The following TPTE2 variants were observed in gnomAD, a reference collection of about 807,000 sequenced individuals.
The protein encoded by TPTE2 is transmembrane phosphoinositide 3-phosphatase and tensin homolog 2, also known as phosphatidylinositol 3,4,5-trisphosphate 3-phosphatase TPTE2.
Under a neutral mutation model 78.6 loss-of-function variants are expected in TPTE2, and 53 were observed. That is an observed-to-expected ratio of 0.67 (90% CI 0.54 to 0.85). TPTE2 has a LOEUF of 0.85. Among genes scored for constraint, TPTE2 ranks in the 40% least tolerant of loss-of-function variants. The pLI, the probability that TPTE2 is intolerant of heterozygous loss-of-function variation, is 0.00. For missense variants in TPTE2, 461 were observed against 623.0 expected, an observed-to-expected ratio of 0.74 and a Z score of 2.77; for synonymous variants, 175 against 206.2, an observed-to-expected ratio of 0.85 and a Z score of 1.30.
At chr13:19,491,977 T>C (rs1881018032) in intron 3 of TPTE2, among the ~76,000 whole-genome samples, 1 of 152,190 alleles carries the variant, frequency 6.6e-6, no homozygotes, top group South Asian at 2.1e-4. Flanking sequence ...TACAGAATTC[T>C]TACCTAGATG....
intron 16 of TPTE2, among the ~76,000 whole-genome samples, chr13:19,430,762 GAGAAAAGAATACATATAGTTC>G (rs1876522674): frequency 6.6e-6 from 1 of 152,176 alleles, no homozygotes; most frequent in Non-Finnish European, 1.5e-5. Flanking sequence ...GATGAGAGAA[GAGAAAAGAATACATATAGTTC>G]AGCTTCCAAG....
At chr13:19,505,253 TCCTC>T (rs1263782598), upstream of TPTE2, among the ~76,000 whole-genome samples, 7 of 151,986 alleles carry the variant, frequency 4.6e-5, no homozygotes, top group African/African-American at 1.7e-4. Flanking sequence ...CAATTCTCCT[TCCTC>T]AGCCTCCTGA....
chr13:19,535,359 A>G lies in TPTE2; in HGVS notation c.-44+1237T>C, dbSNP rs1871149053. Among the ~76,000 whole-genome samples, 1 of 152,050 alleles carries G rather than the reference A, an allele frequency of 6.6e-6. No homozygotes were observed. Among genetic ancestry groups the G allele is most frequent in the African/African-American group, 2.4e-5 (1 of 41,440 alleles). Reference sequence around the variant, plus strand: ...ACTGTGGAGGTATCATCATCTTCCAAAGCTATCTACAAAAAGGGACAATGT... The same window carrying G: ...ACTGTGGAGGTATCATCATCTTCCAGAGCTATCTACAAAAAGGGACAATGT... On this transcript the variant is annotated intron_variant, in intron 1 of 17. Coordinates refer to the TPTE2 transcript ENST00000390680. The surrounding 1 kb of genome is among the most constrained non-coding windows in gnomAD (Gnocchi z 5.1).
chr13:19,506,565 G>A (rs1481553764), upstream of TPTE2, among the ~76,000 whole-genome samples: 1 of 152,078 alleles, frequency 6.6e-6, no homozygotes, highest in Non-Finnish European at 1.5e-5. Context: ...AATTATAAAA[G>A]CATATTATTC....
At chr13:19,447,829 C>T (rs1418312351) in intron 13 of TPTE2, among the ~76,000 whole-genome samples, 11 of 152,150 alleles carry the variant, frequency 7.2e-5, no homozygotes, top group Admixed American at 2.6e-4. Flanking sequence ...CTTTTTTTCC[C>T]CATTTTAACC....
At chr13:19,493,734 A>T in intron 1 of TPTE2, 1 of 556,630 alleles carries the variant, frequency 1.8e-6, no homozygotes, top group Non-Finnish European at 3.3e-6. Flanking sequence ...ATTTAAGTAA[A>T]CCTCTTTATT....
chr13:19,529,890 C>G (rs1870758475), intron 1 of TPTE2, among the ~76,000 whole-genome samples: 1 of 152,124 alleles, frequency 6.6e-6, no homozygotes, highest in African/African-American at 2.4e-5. Flanking sequence ...AGCTTTCTGG[C>G]TTTAATTTTT....
intron 13 of TPTE2, among the ~76,000 whole-genome samples, chr13:19,439,505 T>C (rs1187571188): frequency 1.3e-5 from 2 of 152,142 alleles, no homozygotes; most frequent in Non-Finnish European, 2.9e-5. Context: ...TTAGAAGTGC[T>C]AGCATCTCCA....
rs149075554 is a variant in TPTE2, at chr13:19,485,590, G to A, written c.120-3043C>T. Among the ~76,000 whole-genome samples the A allele has an allele frequency of 1.8e-3, 267 of 152,204 alleles. 2 individuals carry two copies. Among genetic ancestry groups the A allele is most frequent in the East Asian group, 7.3e-3 (38 of 5,182 alleles). On this transcript the variant is annotated intron_variant, in intron 3 of 19. Transcript: ENST00000400230. ...CTAGCTCTCTCTCAAGAGTTAGGAA[G>A]TTTTATGCTCTCATTTTATTAAATA...
intron 9 of TPTE2, among the ~76,000 whole-genome samples, chr13:19,464,951 G>T (rs1276021435): frequency 1.3e-5 from 2 of 152,212 alleles, no homozygotes; most frequent in African/African-American, 2.4e-5. Context: ...AGGATGAGAA[G>T]AGGTCTCTGT....
chr13:19,482,789 G>C lies in TPTE2; in HGVS notation c.120-242C>G, dbSNP rs80190327. On this transcript the variant is annotated intron_variant, in intron 3 of 19. Coordinates refer to ENST00000400230, the Ensembl canonical transcript of TPTE2. ...TATTTTTATCTTCTTTTCTCTCTCTGTCCCTTTCTATATATATGTATATAA... is the reference window on the plus strand; with the variant it reads ...TATTTTTATCTTCTTTTCTCTCTCTCTCCCTTTCTATATATATGTATATAA... Among the ~76,000 whole-genome samples the C allele has an allele frequency of 2.4e-4, 36 of 150,704 alleles. 1 individual carries two copies. In the East Asian group the frequency reaches 2.9e-3, roughly 12 times the overall value.
chr13:19,496,998 G>A (rs1472097650), intron 1 of TPTE2, among the ~76,000 whole-genome samples: 5 of 152,188 alleles, frequency 3.3e-5, no homozygotes, highest in Non-Finnish European at 5.9e-5. Context: ...AAGTGCAAGG[G>A]GTCAGGGAGT....
At position 19,492,877 on chromosome 13, in the gene TPTE2, G is replaced by C. The variant is rs779212667; in HGVS notation, c.92C>G (p.Ala31Gly). The change falls in exon 3 of 20, where the codon GCA (alanine) becomes GGA (glycine). Residue 31 changes from alanine (A) to glycine (G), a missense_variant. Transcript: ENST00000400230. ...TTTACTGATAGGTGACACCAGGGCTGCTCCTTTAAATTCACTTGTGTGTGG... is the reference window on the plus strand; with the variant it reads ...TTTACTGATAGGTGACACCAGGGCTCCTCCTTTAAATTCACTTGTGTGTGG... 1.9e-6 allele frequency: 3 copies of C among 1,613,950 alleles called. No homozygotes were observed. The highest frequency in any genetic ancestry group is 1.7e-6 in the Non-Finnish European group (2 of 1,179,836).
intron 4 of TPTE2, among the ~76,000 whole-genome samples, chr13:19,479,069 T>C (rs1880155926): frequency 6.6e-6 from 1 of 152,080 alleles, no homozygotes; most frequent in South Asian, 2.1e-4. Flanking sequence ...AATGACGAAT[T>C]AATGGGTACA....
rs191829141 is a variant in TPTE2, at chr13:19,442,128, C to T, written c.974-3975G>A. Among the ~76,000 whole-genome samples, 764 of 152,074 alleles carry T rather than the reference C, an allele frequency of 5.0e-3. 2 individuals carry two copies. The highest frequency in any genetic ancestry group is 0.018 in the African/African-American group (736 of 41,520). On this transcript the variant is annotated intron_variant, in intron 13 of 19. Coordinates refer to ENST00000400230, the Ensembl canonical transcript of TPTE2. ...TTCTCAACAATGCATAATACATGTT[C>T]TTTTCAAATGTACAGAAAACATTTG...
chr13:19,453,401 T>C (rs998960465), intron 10 of TPTE2, among the ~76,000 whole-genome samples: 8 of 151,992 alleles, frequency 5.3e-5, no homozygotes, highest in African/African-American at 1.9e-4. Flanking sequence ...AGTATACATA[T>C]ATAGAAAAAC....
At chr13:19,557,076 C>T in the TPTE2 span, among the ~76,000 whole-genome samples, 2 of 152,206 alleles carry the variant, frequency 1.3e-5, no homozygotes, top group Non-Finnish European at 2.9e-5. Context: ...TTTATAAATG[C>T]TATCTCCTCT....
At chr13:19,481,408 C>T (rs1880347824) in intron 4 of TPTE2, among the ~76,000 whole-genome samples, 1 of 152,154 alleles carries the variant, frequency 6.6e-6, no homozygotes, top group African/African-American at 2.4e-5. Flanking sequence ...TAGTGACTTG[C>T]TGAGTATCAG....
chr13:19,561,468 C>G, the TPTE2 span, among the ~76,000 whole-genome samples: 1 of 152,260 alleles, frequency 6.6e-6, no homozygotes, highest in East Asian at 1.9e-4. Flanking sequence ...TACGCCTCCC[C>G]GCAAGCCCCG....
Sources: gnomAD v4.1 joint callset for allele counts (sites outside exome capture counted in the v4.1 genomes callset) on GRCh38, gnomAD v4.1.1 for gene constraint, Gnocchi (gnomAD v3.1) non-coding constraint, MANE v1.5 for transcripts, NCBI Gene and HGNC (gene_info 2026-07-23, HGNC 2026-07-21) for gene names.